TRAPPC9: variants seen among roughly 807,000 people sequenced by gnomAD.
TRAPPC9 encodes trafficking protein particle complex subunit 9, also known as IKK2 binding protein.
TRAPPC9 carries 83 observed loss-of-function variants against 124.0 expected under a neutral mutation model. The observed-to-expected ratio is 0.67, with a 90% confidence interval of 0.56 to 0.80. The LOEUF (loss-of-function observed/expected upper bound fraction) is 0.80. Ranked by LOEUF, TRAPPC9 falls within the 30% of genes least tolerant of loss-of-function variation. The probability of loss-of-function intolerance (pLI) is 0.00; values close to 1 mark genes in which losing one functional copy is unlikely to be tolerated. For synonymous variants in TRAPPC9, 638 were observed against 617.5 expected, an observed-to-expected ratio of 1.03 and a Z score of -0.49; for missense variants, 1,302 against 1,508.3, an observed-to-expected ratio of 0.86 and a Z score of 2.27.
chr8:139,974,731 T>C (rs1836322081), intron 19 of TRAPPC9, among the ~76,000 whole-genome samples: 1 of 152,042 alleles, frequency 6.6e-6, no homozygotes, highest in Non-Finnish European at 1.5e-5. Flanking sequence ...GTGCTGTTCA[T>C]GCTCCTTCTC....
intron 18 of TRAPPC9, among the ~76,000 whole-genome samples, chr8:140,016,955 G>A (rs1839505597): frequency 6.6e-6 from 1 of 152,112 alleles, no homozygotes; most frequent in South Asian, 2.1e-4. Flanking sequence ...CTAACATTTG[G>A]TGTTCTGTTT....
At chr8:140,171,709 G>C (rs1160452902) in intron 17 of TRAPPC9, among the ~76,000 whole-genome samples, 1 of 152,144 alleles carries the variant, frequency 6.6e-6, no homozygotes, top group African/African-American at 2.4e-5. Context: ...AAGGGACCCC[G>C]TGGACCCGTA....
chr8:140,431,777 G>A (rs757976580), intron 4 of TRAPPC9, among the ~76,000 whole-genome samples: 15 of 152,194 alleles, frequency 9.9e-5, no homozygotes, highest in African/African-American at 2.7e-4. Context: ...CCAGCTGAAC[G>A]AGGCTTTTCC....
At chr8:140,073,418 G>A (rs993825076) in intron 17 of TRAPPC9, among the ~76,000 whole-genome samples, 4 of 152,166 alleles carry the variant, frequency 2.6e-5, no homozygotes, top group Admixed American at 2.0e-4. Flanking sequence ...ATAATCTCAC[G>A]AACATTATAC....
chr8:140,119,134 GA>G (rs2060941244), intron 17 of TRAPPC9, among the ~76,000 whole-genome samples: 1 of 152,246 alleles, frequency 6.6e-6, no homozygotes, highest in Non-Finnish European at 1.5e-5. Context: ...AAGAGGAGCA[GA>G]AAGCCGGAGT....
intron 2 of TRAPPC9, among the ~76,000 whole-genome samples, chr8:140,444,425 C>G (rs2071164659): frequency 6.6e-6 from 1 of 152,130 alleles, no homozygotes; most frequent in Admixed American, 6.5e-5. Flanking sequence ...AGCTGGGACT[C>G]CATCCTGCTG....
chr8:140,204,887 A>T (rs1284615192), intron 17 of TRAPPC9, among the ~76,000 whole-genome samples: 1 of 152,254 alleles, frequency 6.6e-6, no homozygotes, highest in Non-Finnish European at 1.5e-5. Flanking sequence ...GAAAAAGATC[A>T]CTGGATTTTA....
At chr8:140,351,250 C>G (rs2067565537) in intron 9 of TRAPPC9, among the ~76,000 whole-genome samples, 1 of 145,214 alleles carries the variant, frequency 6.9e-6, no homozygotes, top group South Asian at 2.3e-4. Context: ...GCTGCCTGCC[C>G]CTAGAGACAA....
At chr8:140,064,605 T>G (rs951188899) in intron 17 of TRAPPC9, among the ~76,000 whole-genome samples, 2 of 152,200 alleles carry the variant, frequency 1.3e-5, no homozygotes, top group Non-Finnish European at 2.9e-5. Flanking sequence ...GAAATTGACA[T>G]GCATATTCCA....
At chr8:139,938,799 C>CTG (rs1833709905) in intron 19 of TRAPPC9, among the ~76,000 whole-genome samples, 2 of 151,064 alleles carry the variant, frequency 1.3e-5, no homozygotes, top group Non-Finnish European at 2.9e-5. Flanking sequence ...GCGCCCGCCA[C>CTG]CACGCCCGGC....
At chr8:140,233,198 T>G (rs1245916456) in intron 16 of TRAPPC9, among the ~76,000 whole-genome samples, 2 of 124,960 alleles carry the variant, frequency 1.6e-5, no homozygotes, top group African/African-American at 6.1e-5. Context: ...ATGGCCTAAG[T>G]TTCTTAAGGA....
rs1473460161 is a variant in TRAPPC9 at position 140,008,155 on chromosome 8, G to A, written c.2699+15782C>T. ...CATCTCAGGGCACACAAGACAATAG[G>A]TAAGGGATGGGATGAAGCAGATACA... On this transcript the variant is annotated intron_variant, in intron 18 of 22. Transcript: ENST00000438773. Among the ~76,000 whole-genome samples the A allele has an allele frequency of 2.0e-5, 3 of 152,212 alleles. No homozygotes were observed. The East Asian group carries it at 5.8e-4, about 29-fold the overall frequency.
rs114509748 is a variant in TRAPPC9, at chr8:140,277,815, G to A, written c.2115-1994C>T. On this transcript the variant is annotated intron_variant, in intron 14 of 22. Transcript: ENST00000438773. ...AGTCTCCTAGGAGGAGATGAGGACCGGGAGCTTCTTGGCAGAGAGAAACTC... is the reference window on the plus strand; with the variant it reads ...AGTCTCCTAGGAGGAGATGAGGACCAGGAGCTTCTTGGCAGAGAGAAACTC... 5.6e-3 allele frequency among the ~76,000 whole-genome samples: 848 copies of A among 152,338 alleles called. 10 individuals are homozygous for A. The highest frequency in any genetic ancestry group is 0.019 in the African/African-American group (792 of 41,574).
intron 21 of TRAPPC9, among the ~76,000 whole-genome samples, chr8:139,747,457 GTGGGGGCTGTGCAGGGGTCAGAGCAGGT>G (rs1285236325): frequency 1.0e-4 from 13 of 125,364 alleles, no homozygotes; most frequent in African/African-American, 1.5e-4. Context: ...CAGAGCAGGT[GTGGGGGCTGTGCAGGGGTCAGAGCAGGT>G]GGGAGGTGTG....
chr8:140,351,195 C>T lies in TRAPPC9; in HGVS notation c.1495+8855G>A, dbSNP rs184491758. ...ATGAGAGACACAGGCCCACGCTAGT[C>T]GCTGACTGTGCTGCCATTCTCCCCG... is the stretch of plus-strand genomic sequence containing the variant. On this transcript the variant is annotated intron_variant, in intron 9 of 22. Transcript: ENST00000438773. 2.6e-4 allele frequency among the ~76,000 whole-genome samples: 39 copies of T among 149,828 alleles called. 1 individual carries two copies. The highest frequency in any genetic ancestry group is 7.6e-4 in the African/African-American group (31 of 41,038).
intron 17 of TRAPPC9, among the ~76,000 whole-genome samples, chr8:140,089,146 A>T (rs927975947): frequency 1.2e-4 from 19 of 152,222 alleles, no homozygotes; most frequent in African/African-American, 4.6e-4. Context: ...TGTGGGCTGT[A>T]CAAGTTTCTC....
At chr8:139,878,318 G>A (rs957850329) in intron 21 of TRAPPC9, among the ~76,000 whole-genome samples, 2 of 152,190 alleles carry the variant, frequency 1.3e-5, no homozygotes, top group African/African-American at 4.8e-5. Context: ...TTGGAAAGTA[G>A]CAAAAAGACT....
chr8:140,397,681 T>C lies in TRAPPC9; in HGVS notation c.1073A>G (p.Gln358Arg), dbSNP rs1166002833. The C allele has an allele frequency of 6.2e-7, 1 of 1,614,226 alleles. No individual in the cohort carries two copies. The highest frequency in any genetic ancestry group is 1.7e-5 in the Admixed American group (1 of 60,020). ...CIKAVRVLAI[Q>R]KRSMEASEFL... ...TTCTGATGCTTCCATGCTCCGTTTC[T>C]GAATTGCAAGGACACGTACAGCCTT... Residue 358 changes from glutamine to arginine, a missense_variant, in exon 7 of 23, where the codon CAG (glutamine) becomes CGG (arginine). Gln to Arg is a conservative substitution (Grantham distance 43, BLOSUM62 1). Coordinates refer to ENST00000438773, the MANE Select transcript of TRAPPC9 (RefSeq NM_001160372.4).
rs1404894210 is a variant in TRAPPC9, at chr8:140,266,865, C to CA, written c.2278+8792dup. 6.6e-4 allele frequency among the ~76,000 whole-genome samples: 100 copies of CA among 151,260 alleles called. 1 individual carries two copies. The highest frequency in any genetic ancestry group is 1.2e-3 in the Non-Finnish European group (81 of 67,788). On this transcript the variant is annotated intron_variant, in intron 15 of 22. Transcript: ENST00000438773. The stretch of plus-strand genomic sequence containing the variant: ...ACAGAGCGAGACTCCATCTCAACAA[C>CA]AACAAAAAAAAACCCACTCATCTCT...
Sources: gnomAD v4.1 joint callset for allele counts (sites outside exome capture counted in the v4.1 genomes callset) on GRCh38, gnomAD v4.1.1 for gene constraint, MANE v1.5 for transcripts, NCBI Gene and HGNC (gene_info 2026-07-23, HGNC 2026-07-21) for gene names.